The following STARD9 variants were observed in gnomAD, a reference collection of about 807,000 sequenced individuals.
STARD9 encodes StAR related lipid transfer domain containing 9.
Under a neutral mutation model 399.8 loss-of-function variants are expected in STARD9, and 346 were observed. That is an observed-to-expected ratio of 0.87 (90% CI 0.79 to 0.95). The LOEUF is 0.95. Among genes scored for constraint, STARD9 ranks in the 40% least tolerant of loss-of-function variants. STARD9 has a pLI of 0.00. For missense variants in STARD9, 5,832 were observed against 5,667.5 expected, an observed-to-expected ratio of 1.03 and a Z score of -0.93; for synonymous variants, 2,203 against 2,143.5, an observed-to-expected ratio of 1.03 and a Z score of -0.77.
intron 3 of STARD9, among the ~76,000 whole-genome samples, chr15:42,629,025 CT>C (rs1166596464): frequency 6.6e-6 from 1 of 151,722 alleles, no homozygotes; most frequent in Non-Finnish European, 1.5e-5. Context: ...AGTTAAATTT[CT>C]TTTTTTTCCC....
intron 26 of STARD9, among the ~76,000 whole-genome samples, chr15:42,715,649 A>T (rs1309487476): frequency 1.3e-5 from 2 of 151,694 alleles, no homozygotes; most frequent in Non-Finnish European, 2.9e-5. Context: ...CTGGGATTAC[A>T]GGCGCCCGCC....
At chr15:42,662,369 G>A (rs2060008393) in intron 10 of STARD9, among the ~76,000 whole-genome samples, 1 of 152,122 alleles carries the variant, frequency 6.6e-6, no homozygotes, top group South Asian at 2.1e-4. Flanking sequence ...CAGCCAATTG[G>A]AAGTGTGAAT....
At chr15:42,663,565 A>AGT (rs2060030809) in intron 12 of STARD9, 75 bp downstream of exon 12, 1 of 778,992 alleles carries the variant, frequency 1.3e-6, no homozygotes, top group Non-Finnish European at 2.0e-6. Context: ...GGCCCCAGTG[A>AGT]GTGGGATGCC....
At chr15:42,604,420 C>T (rs1406718288) in intron 3 of STARD9, among the ~76,000 whole-genome samples, 2 of 152,002 alleles carry the variant, frequency 1.3e-5, no homozygotes, top group African/African-American at 4.8e-5. Context: ...TGGAAATAAC[C>T]AATAAGAACC....
intron 26 of STARD9, among the ~76,000 whole-genome samples, chr15:42,701,989 A>G (rs1381271025): frequency 1.8e-5 from 2 of 113,366 alleles, no homozygotes; most frequent in Non-Finnish European, 3.4e-5. Context: ...TGAGACTCTG[A>G]CTCAAAAAAA....
chr15:42,586,119 A>G (rs2058272718), intron 3 of STARD9, among the ~76,000 whole-genome samples: 1 of 152,216 alleles, frequency 6.6e-6, no homozygotes, highest in Non-Finnish European at 1.5e-5. Flanking sequence ...TTTAGGCTTG[A>G]GCCTCCTCAT....
chr15:42,589,897 A>C (rs1484313204), intron 3 of STARD9, among the ~76,000 whole-genome samples: 1 of 145,924 alleles, frequency 6.9e-6, no homozygotes, highest in East Asian at 2.0e-4. Context: ...GAGCCACCAC[A>C]CCTGGCCAAG....
At chr15:42,594,164 G>T (rs1271483618) in intron 3 of STARD9, among the ~76,000 whole-genome samples, 4 of 152,190 alleles carry the variant, frequency 2.6e-5, no homozygotes, top group Non-Finnish European at 4.4e-5. Context: ...GGACTTCAGT[G>T]TGAGGATGTC....
intron 28 of STARD9, among the ~76,000 whole-genome samples, chr15:42,717,417 G>T (rs549120652): frequency 6.6e-6 from 1 of 152,040 alleles, no homozygotes; most frequent in Non-Finnish European, 1.5e-5. Flanking sequence ...GAGTCCAGGA[G>T]TTCAAGACCA....
intron 26 of STARD9, among the ~76,000 whole-genome samples, chr15:42,712,088 T>TAATATATTATATA (rs1180409814): frequency 9.2e-4 from 1 of 1,090 alleles, no homozygotes; most frequent in African/African-American, 1.9e-3. Context: ...ATATTATATA[T>TAATATATTATATA]ATATATATAA....
chr15:42,686,104 C>T lies in STARD9; in HGVS notation c.4526C>T (p.Ala1509Val). The T allele has an allele frequency of 3.3e-6, 5 of 1,537,242 alleles. No individual in the cohort carries two copies. Among genetic ancestry groups the T allele is most frequent in the Non-Finnish European group, 4.4e-6 (5 of 1,146,898 alleles). Residue 1509 changes from alanine to valine, a missense_variant, in exon 23 of 33, where the codon GCT (alanine) becomes GTT (valine). Transcript: ENST00000290607. ...GAGGCCATAGGAGCACCCAAGCCAG[C>T]TTACCCCTACCTTGAGGAAGACTCT... ...VLEAIGAPKPAYPYLEEDSGS... is the reference protein window; with the variant it reads ...VLEAIGAPKPVYPYLEEDSGS...
intron 7 of STARD9, among the ~76,000 whole-genome samples, chr15:42,639,661 G>A (rs944579947): frequency 6.6e-6 from 1 of 152,180 alleles, no homozygotes; most frequent in South Asian, 2.1e-4. Context: ...TCAGGAGTTC[G>A]AGAGCAGCCT....
intron 10 of STARD9, 56 bp downstream of exon 10, chr15:42,661,281 G>A (rs892791359): frequency 1.2e-5 from 14 of 1,187,914 alleles, no homozygotes; most frequent in African/African-American, 3.0e-5. Context: ...TGTTTTACAG[G>A]GAATAAGCTG....
intron 26 of STARD9, among the ~76,000 whole-genome samples, chr15:42,715,078 CAA>C (rs111810960): frequency 0.068 from 9,084 of 134,300 alleles, 621 homozygotes; most frequent in African/African-American, 0.18. Flanking sequence ...GATGTATCAA[CAA>C]AAAAAAAAAA....
In STARD9 at chr15:42,686,886, A is replaced by T; in HGVS notation, c.5308A>T (p.Arg1770Trp). 5 of 1,536,946 alleles carry T rather than the reference A, an allele frequency of 3.3e-6. No individual in the cohort carries two copies. The highest frequency in any genetic ancestry group is 4.4e-6 in the Non-Finnish European group (5 of 1,146,860). The stretch of plus-strand genomic sequence containing the variant: ...AGAGATTCCAGCTTGCAGAGAAGTA[A>T]GGGTACCCTCCCCACCCCCCAGGGA... ...ALEIPACREV[R>W]VPSPPPREAW... The change falls in exon 23 of 33, where the codon AGG (arginine) becomes TGG (tryptophan). Residue 1770 changes from arginine (R) to tryptophan (W), a missense_variant. By Grantham distance (101) the Arg-to-Trp change is moderately radical (BLOSUM62 -3). Coordinates refer to ENST00000290607, the MANE Select transcript of STARD9 (RefSeq NM_020759.3).
chr15:42,581,372 C>T (rs2058165674), intron 1 of STARD9: 1 of 1,476,628 alleles, frequency 6.8e-7, no homozygotes, highest in Non-Finnish European at 9.4e-7. Context: ...AGAGCGTCCC[C>T]TCGGGCGTGG....
At chr15:42,646,189 G>GATAATA (rs904271705) in intron 7 of STARD9, among the ~76,000 whole-genome samples, 13 of 151,464 alleles carry the variant, frequency 8.6e-5, no homozygotes, top group African/African-American at 2.4e-4. Context: ...TAATAATAAT[G>GATAATA]ATAATAATAA....
chr15:42,585,485 G>C (rs1357449424), intron 2 of STARD9, 36 bp from the exon 3 acceptor site: 1 of 1,421,006 alleles, frequency 7.0e-7, no homozygotes, highest in Non-Finnish European at 9.6e-7. Context: ...CTAATATTAT[G>C]ATAGAAAAGA....
At position 42,692,642 on chromosome 15, in the gene STARD9, G is replaced by A. The variant is rs187159912; in HGVS notation, c.11064G>A (p.Leu3688=). 80 of 1,537,170 alleles carry A rather than the reference G, an allele frequency of 5.2e-5. No homozygotes were observed. The Admixed American group carries it at 1.1e-3, about 21-fold the overall frequency. ...HNLSLHLSQL[L]HSTSELLGSL... Reference sequence around the variant, plus strand: ...TGTCTCTCCACCTCTCACAGCTCCTGCACAGTACCTCAGAGCTGCTTGGGA... The same window carrying A: ...TGTCTCTCCACCTCTCACAGCTCCTACACAGTACCTCAGAGCTGCTTGGGA... The change falls in exon 23 of 33, where the codon CTG becomes CTA. Residue 3688 remains leucine (L), a synonymous_variant. Transcript: ENST00000290607.
Sources: allele counts gnomAD v4.1 joint callset (sites outside exome capture counted in the v4.1 genomes callset), GRCh38; gene constraint gnomAD v4.1.1; transcripts MANE v1.5; gene names NCBI Gene and HGNC (gene_info 2026-07-23, HGNC 2026-07-21).